Variants in JHY observed in about 807,000 individuals in gnomAD.
The protein encoded by JHY is jhy protein homolog.
Under a neutral mutation model 78.0 loss-of-function variants are expected in JHY, and 69 were observed. That is an observed-to-expected ratio of 0.88 (90% CI 0.73 to 1.08). The LOEUF (loss-of-function observed/expected upper bound fraction) is 1.08, where lower values mean the gene tolerates loss of function less well. Ranked by LOEUF, JHY falls within the 50% of genes least tolerant of loss-of-function variation. JHY has a pLI of 0.00. For synonymous variants in JHY, 368 were observed against 342.6 expected (o/e 1.07, Z -0.82); for missense variants, 944 against 927.8 (o/e 1.02, Z -0.23).
Position 122,931,565 on chromosome 11 carries a change from G to A in JHY, c.979-2855G>A, listed in dbSNP as rs118045061. ...TATTATCAGATGGAATTTGTATCTC[G>A]GGCTTAAAGTACTCATGTTTTATTG... On this transcript the variant is annotated intron_variant, in intron 4 of 8. Transcript: ENST00000227349. Among the ~76,000 whole-genome samples the A allele has an allele frequency of 8.5e-3, 1,294 of 152,104 alleles. 10 individuals carry two copies. Among genetic ancestry groups the A allele is most frequent in the South Asian group, 0.023 (111 of 4,800 alleles).
rs180809169 is a variant in JHY, at chr11:122,958,933, C to T, written c.2140-315C>T. 1,047 of 985,068 alleles carry T rather than the reference C, an allele frequency of 1.1e-3. 1 individual carries two copies. The highest frequency in any genetic ancestry group is 1.2e-3 in the Non-Finnish European group (1,008 of 829,690). 61.0% of individuals were successfully genotyped at this position (985,068 alleles called of 1,614,324 possible). A position where few individuals can be genotyped will look rare whatever the true frequency, so the allele number is the denominator to read the frequency against. ...AGAAGTTTGGTTTTACTAAGACTTC[C>T]GGAAACTAAGTAGACCAAACACATA... On this transcript the variant is annotated intron_variant, in intron 8 of 8. Transcript: ENST00000227349.
intron 6 of JHY, among the ~76,000 whole-genome samples, 162 bp from the exon 7 acceptor site, chr11:122,956,334 A>T (rs554154626): frequency 2.6e-5 from 4 of 152,274 alleles, no homozygotes; most frequent in African/African-American, 9.6e-5. Context: ...ACTACCATGA[A>T]AATGGAAGCA....
At position 122,885,883 on chromosome 11, in the gene JHY, A is replaced by G. The variant is rs1359462876; in HGVS notation, c.34A>G (p.Ile12Val). ...SKRKLIPKLS[I>V]QSPVLHTNLN... ...ACGTAAACTAATTCCCAAGCTCTCT[A>G]TTCAATCTCCTGTCCTTCATACCAA... The change falls in exon 2 of 9, where the codon ATT becomes GTT. Residue 12 changes from isoleucine (I) to valine (V), a missense_variant. Physicochemically the swap from Ile to Val is conservative, Grantham distance 29 (BLOSUM62 3). Transcript: ENST00000227349. 1.5e-5 allele frequency: 25 copies of G among 1,613,428 alleles called. No homozygotes were observed. Among genetic ancestry groups the G allele is most frequent in the Non-Finnish European group, 2.1e-5 (25 of 1,179,582 alleles).
At chr11:122,957,247 C>G in intron 7 of JHY, 116 bp from the exon 8 acceptor site, 1 of 1,184,648 alleles carries the variant, frequency 8.4e-7, no homozygotes, top group Non-Finnish European at 1.1e-6. Flanking sequence ...GATCCCATTG[C>G]TCCTGTACAG....
chr11:122,923,333 TAGA>T (rs1336092193), intron 3 of JHY, among the ~76,000 whole-genome samples: 7 of 152,234 alleles, frequency 4.6e-5, no homozygotes, highest in Middle Eastern at 3.2e-3. Context: ...CCTCAACCCG[TAGA>T]AGATCTTTAA....
At chr11:122,952,565 C>G (rs188172048) in intron 6 of JHY, among the ~76,000 whole-genome samples, 8 of 152,290 alleles carry the variant, frequency 5.3e-5, no homozygotes, top group Admixed American at 1.3e-4. Flanking sequence ...TCTGTCCCTT[C>G]ATATCGAGGT....
chr11:122,913,568 G>T lies in JHY; in HGVS notation c.864+9124G>T, dbSNP rs137957515. Among the ~76,000 whole-genome samples the T allele has an allele frequency of 9.9e-5, 15 of 152,212 alleles. No individual in the cohort carries two copies. The East Asian group carries it at 2.9e-3, about 29-fold the overall frequency. On this transcript the variant is annotated intron_variant, in intron 3 of 8. Coordinates refer to ENST00000227349, the MANE Select transcript of JHY (RefSeq NM_024806.4). ...CAGGAACTCACAGAGCCCAGACCCG[G>T]CATTTCCTCTAGCCCCTTCCTTGTT...
chr11:122,894,586 A>C (rs949185559), intron 2 of JHY, among the ~76,000 whole-genome samples: 13 of 152,248 alleles, frequency 8.5e-5, no homozygotes, highest in African/African-American at 2.9e-4. Flanking sequence ...CCTTGGTTTC[A>C]CATGACATAA....
At chr11:122,886,310 G>C (rs1862496513) in intron 2 of JHY, 117 bp downstream of exon 2, 1 of 965,690 alleles carries the variant, frequency 1.0e-6, no homozygotes, top group African/African-American at 1.7e-5. Flanking sequence ...CCGTGTGTGA[G>C]ACAGGTCTCC....
intron 5 of JHY, among the ~76,000 whole-genome samples, chr11:122,939,855 A>C (rs1863836239): frequency 6.6e-6 from 1 of 151,744 alleles, no homozygotes; most frequent in African/African-American, 2.4e-5. Flanking sequence ...CTTATACAAC[A>C]ATCACACCAT....
chr11:122,959,335 G>T lies in JHY; in HGVS notation c.2227G>T (p.Ala743Ser). Residue 743 changes from alanine (A) to serine (S), a missense_variant, in exon 9 of 9, where the codon GCT (alanine) becomes TCT (serine). By Grantham distance (99) the Ala-to-Ser change is moderately conservative. Transcript: ENST00000227349. ...AAAGGAACAAAAAAATCCAACCTATGCTGGGAAAGAAGAAAGTTTACCTGA... is the reference window on the plus strand; with the variant it reads ...AAAGGAACAAAAAAATCCAACCTATTCTGGGAAAGAAGAAAGTTTACCTGA... ...ASKEQKNPTYAGKEESLPEIS... is the reference protein window; with the variant it reads ...ASKEQKNPTYSGKEESLPEIS... The T allele has an allele frequency of 6.2e-7, 1 of 1,614,098 alleles. No homozygotes were observed. The highest frequency in any genetic ancestry group is 8.5e-7 in the Non-Finnish European group (1 of 1,180,014).
Position 122,933,867 on chromosome 11 carries a change from T to G in JHY, c.979-553T>G, listed in dbSNP as rs540785392. Among the ~76,000 whole-genome samples, 12 of 152,356 alleles carry G rather than the reference T, an allele frequency of 7.9e-5. No homozygotes were observed. The South Asian group carries it at 2.5e-3, about 32-fold the overall frequency. On this transcript the variant is annotated intron_variant, in intron 4 of 8. Transcript: ENST00000227349. The stretch of plus-strand genomic sequence containing the variant: ...ATTCATGTTACTTAAAATAAGCTTG[T>G]ATATTGTAATGTAGATTTGCATTTG...
chr11:122,890,366 T>C (rs1565304956), intron 2 of JHY, among the ~76,000 whole-genome samples: 1 of 151,990 alleles, frequency 6.6e-6, no homozygotes, highest in Non-Finnish European at 1.5e-5. Context: ...ATCTAGTGAG[T>C]GGTGGAGCAG....
Position 122,948,751 on chromosome 11 carries a change from A to G in JHY, c.1929+1959A>G, listed in dbSNP as rs556860655. Among the ~76,000 whole-genome samples, 6 of 152,248 alleles carry G rather than the reference A, an allele frequency of 3.9e-5. No homozygotes were observed. The South Asian group carries it at 1.2e-3, about 32-fold the overall frequency. Reference sequence around the variant, plus strand: ...CAGGCAAGGCTTCAGAAGATAATTCAGAACTGCGTCTTAGAGGGTGATGAA... The same window carrying G: ...CAGGCAAGGCTTCAGAAGATAATTCGGAACTGCGTCTTAGAGGGTGATGAA... On this transcript the variant is annotated intron_variant, in intron 6 of 8. Transcript: ENST00000227349.
intron 3 of JHY, among the ~76,000 whole-genome samples, chr11:122,922,802 T>C (rs1436263308): frequency 8.8e-5 from 8 of 90,960 alleles, no homozygotes; most frequent in South Asian, 7.6e-4. Context: ...AGAGCGAGAC[T>C]CCGTCTCAAA....
At chr11:122,926,320 A>G (rs981645621) in intron 4 of JHY, among the ~76,000 whole-genome samples, 2 of 152,150 alleles carry the variant, frequency 1.3e-5, no homozygotes, top group Non-Finnish European at 2.9e-5. Flanking sequence ...CTAAGAAGAG[A>G]TGAGTCCTTT....
Position 122,904,227 on chromosome 11 carries a change from G to T in JHY, c.647G>T (p.Ser216Ile). 1 of 1,614,066 alleles carries T rather than the reference G, an allele frequency of 6.2e-7. No individual in the cohort carries two copies. Among genetic ancestry groups the T allele is most frequent in the South Asian group, 1.1e-5 (1 of 91,086 alleles). The change falls in exon 3 of 9, where the codon AGT becomes ATT. Residue 216 changes from serine to isoleucine, a missense_variant. By Grantham distance (142) the Ser-to-Ile change is moderately radical. Coordinates refer to ENST00000227349, the MANE Select transcript of JHY (RefSeq NM_024806.4). ...RSKPFSELSDSDLEEKSSSLS... is the reference protein window; with the variant it reads ...RSKPFSELSDIDLEEKSSSLS... ...AAGCCGTTTTCAGAGCTGAGCGACA[G>T]TGACCTGGAGGAGAAGTCGAGCAGC...
intron 3 of JHY, among the ~76,000 whole-genome samples, chr11:122,911,905 C>CAAAAAAAAAAAA (rs59941995): frequency 8.0e-5 from 4 of 49,736 alleles, no homozygotes; most frequent in African/African-American, 1.6e-4. Flanking sequence ...AACTCTGTCT[C>CAAAAAAAAAAAA]AAAAAAAAAA....
rs900538624 is a variant in JHY at position 122,963,439 on chromosome 11, A to G, written c.*3994A>G. Among the ~76,000 whole-genome samples, 1 of 152,214 alleles carries G rather than the reference A, an allele frequency of 6.6e-6. No homozygotes were observed. Among genetic ancestry groups the G allele is most frequent in the Non-Finnish European group, 1.5e-5 (1 of 68,016 alleles). On this transcript the variant is annotated 3_prime_UTR_variant, in exon 9 of 9. Coordinates refer to ENST00000227349, the MANE Select transcript of JHY (RefSeq NM_024806.4). ...TAGGAAATAAAACATATTTGCAGAA[A>G]GTTTGGGGTTGAAATCAAAGAATGG...
Sources: gnomAD v4.1 joint callset for allele counts (sites outside exome capture counted in the v4.1 genomes callset) on GRCh38, gnomAD v4.1.1 for gene constraint, MANE v1.5 for transcripts, NCBI Gene and HGNC (gene_info 2026-07-23, HGNC 2026-07-21) for gene names.